Variants in GALNT14 observed in about 807,000 individuals in gnomAD.
GALNT14 encodes UDP-GalNAc:polypeptide N-acetylgalactosaminyltransferase 14.
A neutral mutation model predicts 77.5 loss-of-function variants in GALNT14; 60 were observed. The ratio of observed to expected loss-of-function variants is 0.77; its 90% CI spans 0.63 to 0.96. The LOEUF is 0.96. Ranked by LOEUF, GALNT14 falls within the 40% of genes least tolerant of loss-of-function variation. GALNT14 has a pLI of 0.00. For synonymous variants in GALNT14, 280 were observed against 281.7 expected (o/e 0.99, Z 0.06); for missense variants, 710 against 731.0 (o/e 0.97, Z 0.33).
chr2:30,995,005 C>T (rs1346400175), intron 1 of GALNT14, among the ~76,000 whole-genome samples: 1 of 151,984 alleles, frequency 6.6e-6, no homozygotes, highest in Non-Finnish European at 1.5e-5. Flanking sequence ...TGAGTTCGAT[C>T]TTGAAGGATG....
At chr2:31,119,387 A>G (rs1420555341) in intron 1 of GALNT14, among the ~76,000 whole-genome samples, 2 of 152,216 alleles carry the variant, frequency 1.3e-5, no homozygotes, top group African/African-American at 4.8e-5. Flanking sequence ...CGTACAGTAG[A>G]AAAATAGGGA....
intron 1 of GALNT14, 138 bp from the exon 2 acceptor site, chr2:30,993,145 A>T (rs1041704067): frequency 3.3e-5 from 26 of 799,960 alleles, no homozygotes; most frequent in Non-Finnish European, 4.0e-6. Context: ...GAAGCAGAAC[A>T]TAAACTAAAC....
the GALNT14 span, among the ~76,000 whole-genome samples, chr2:30,889,781 A>G: frequency 6.6e-6 from 1 of 152,200 alleles, no homozygotes; most frequent in Non-Finnish European, 1.5e-5. Context: ...AGGCCTTTGT[A>G]CCACAGCACG....
chr2:30,941,332 C>T (rs1341742146), intron 9 of GALNT14, among the ~76,000 whole-genome samples: 1 of 152,188 alleles, frequency 6.6e-6, no homozygotes, highest in Non-Finnish European at 1.5e-5. Context: ...GGACCCCAAC[C>T]CCTGCCCTCG....
chr2:31,115,124 T>C (rs112044495), intron 1 of GALNT14, among the ~76,000 whole-genome samples: 2,508 of 152,024 alleles, frequency 0.016, 22 homozygotes, highest in South Asian at 0.031. Flanking sequence ...GTGCCACATG[T>C]CTGTAGTCCT....
chr2:31,052,860 G>GT (rs890280730), intron 1 of GALNT14, among the ~76,000 whole-genome samples: 3 of 152,174 alleles, frequency 2.0e-5, no homozygotes, highest in African/African-American at 7.2e-5. Context: ...AAAATTATTT[G>GT]TTTTTTCTCT....
downstream of GALNT14, among the ~76,000 whole-genome samples, chr2:30,909,921 G>T (rs1419725408): frequency 2.0e-5 from 3 of 151,770 alleles, no homozygotes; most frequent in Non-Finnish European, 4.4e-5. Flanking sequence ...GGACATGGAT[G>T]AAATTGGAAA....
chr2:30,969,476 C>T (rs1281547164), intron 2 of GALNT14, among the ~76,000 whole-genome samples: 1 of 152,148 alleles, frequency 6.6e-6, no homozygotes, highest in African/African-American at 2.4e-5. Flanking sequence ...GGACAGGGGC[C>T]ATTTGTCCTG....
At chr2:31,081,246 C>A (rs975325309) in intron 1 of GALNT14, among the ~76,000 whole-genome samples, 3 of 152,120 alleles carry the variant, frequency 2.0e-5, no homozygotes, top group Non-Finnish European at 4.4e-5. Flanking sequence ...TACCAATAGC[C>A]GGCAGAAGTC....
Position 30,992,991 on chromosome 2 carries a change from C to T in GALNT14, c.146G>A (p.Trp49Ter). 1.2e-6 allele frequency: 2 copies of T among 1,614,110 alleles called. No individual in the cohort carries two copies. The highest frequency in any genetic ancestry group is 1.7e-6 in the Non-Finnish European group (2 of 1,180,016). ...ATCAAACTGGTCCCACAGGTCGTCC[C>T]AGTCAGCGTCCGAAGGCTGCGTGAC... ...VQTPKPSDADWDDLWDQFDER... is the reference protein window; with the variant it reads ...VQTPKPSDAD Residue 49 changes from tryptophan to a stop codon, truncating the protein, a stop_gained, in exon 2 of 15, where the codon TGG becomes TAG. Transcript: ENST00000349752. LOFTEE classifies it high-confidence loss of function.
At chr2:31,051,463 C>A (rs998506705) in intron 1 of GALNT14, among the ~76,000 whole-genome samples, 13 of 152,170 alleles carry the variant, frequency 8.5e-5, no homozygotes, top group African/African-American at 2.9e-4. Flanking sequence ...AACACAGAAC[C>A]CCTGTCTGAG....
At chr2:30,929,580 T>C in intron 10 of GALNT14, 93 bp from the exon 11 acceptor site, 1 of 876,920 alleles carries the variant, frequency 1.1e-6, no homozygotes, top group Middle Eastern at 2.8e-4. Flanking sequence ...TGGGCTGAGT[T>C]GGCAACACCA....
intron 1 of GALNT14, among the ~76,000 whole-genome samples, chr2:31,074,707 A>T (rs1675648572): frequency 6.6e-6 from 1 of 152,026 alleles, no homozygotes; most frequent in Admixed American, 6.5e-5. Flanking sequence ...GAGAGAGAAC[A>T]CTCATGCGAG....
chr2:30,896,672 A>C, the GALNT14 span, among the ~76,000 whole-genome samples: 2 of 152,166 alleles, frequency 1.3e-5, no homozygotes. Flanking sequence ...GCAATTAAGA[A>C]ATTAAGCCTG....
In GALNT14 at chr2:30,978,348, C is replaced by T. The variant is rs1049274295; in HGVS notation, c.300-12046G>A. Among the ~76,000 whole-genome samples the T allele has an allele frequency of 5.3e-5, 8 of 152,332 alleles. No individual in the cohort carries two copies. In the South Asian group the frequency reaches 6.2e-4, roughly 12 times the overall value. The stretch of plus-strand genomic sequence containing the variant: ...ACTGTGCCATCTTCCTAGGTAACTA[C>T]TGCCTTCTTGCAGGCAGGGGCCACG... On this transcript the variant is annotated intron_variant, in intron 2 of 14. Transcript: ENST00000349752.
intron 2 of GALNT14, among the ~76,000 whole-genome samples, chr2:30,981,533 G>A (rs974315294): frequency 7.9e-5 from 12 of 152,180 alleles, no homozygotes; most frequent in Non-Finnish European, 1.5e-4. Context: ...GGGCATGAGA[G>A]GGTGGAGAAG....
At chr2:30,926,811 A>C (rs967749076) in intron 11 of GALNT14, among the ~76,000 whole-genome samples, 1 of 152,056 alleles carries the variant, frequency 6.6e-6, no homozygotes, top group Non-Finnish European at 1.5e-5. Context: ...GGTGCAAGGA[A>C]GTCACGAGGG....
intron 13 of GALNT14, among the ~76,000 whole-genome samples, chr2:30,917,560 T>C (rs950996327): frequency 6.6e-6 from 1 of 152,200 alleles, no homozygotes; most frequent in Non-Finnish European, 1.5e-5. Flanking sequence ...CCACCAGGCA[T>C]GGGCAGGACA....
the GALNT14 span, among the ~76,000 whole-genome samples, chr2:30,894,978 C>T: frequency 6.6e-6 from 1 of 152,214 alleles, no homozygotes; most frequent in Non-Finnish European, 1.5e-5. Context: ...TGTCCATTGG[C>T]AGAGGCTGGG....
Sources: gnomAD v4.1 joint callset for allele counts (sites outside exome capture counted in the v4.1 genomes callset) on GRCh38, gnomAD v4.1.1 for gene constraint, MANE v1.5 for transcripts, NCBI Gene and HGNC (gene_info 2026-07-23, HGNC 2026-07-21) for gene names.